Variants in CTDSPL observed in about 807,000 individuals in gnomAD.
CTDSPL encodes the protein CTD small phosphatase-like protein.
Under a neutral mutation model 30.5 loss-of-function variants are expected in CTDSPL, and 8 were observed. The ratio of observed to expected loss-of-function variants is 0.26; its 90% CI spans 0.15 to 0.47. The LOEUF (loss-of-function observed/expected upper bound fraction) is 0.47, where lower values mean the gene tolerates loss of function less well. Among genes scored for constraint, CTDSPL ranks in the 20% least tolerant of loss-of-function variants. The pLI is 0.99. For missense variants in CTDSPL, 248 were observed against 366.1 expected (o/e 0.68, Z 2.63); for synonymous variants, 110 against 137.9 (o/e 0.80, Z 1.42).
chr3:37,913,612 T>A (rs1487400495), intron 1 of CTDSPL, among the ~76,000 whole-genome samples: 1 of 152,204 alleles, frequency 6.6e-6, no homozygotes, highest in Non-Finnish European at 1.5e-5. Context: ...GATTTATTAA[T>A]CTGTTTATTC....
intron 1 of CTDSPL, among the ~76,000 whole-genome samples, chr3:37,898,155 G>C (rs886283665): frequency 2.0e-5 from 3 of 152,070 alleles, no homozygotes; most frequent in African/African-American, 4.8e-5. Context: ...GAAGCACCAG[G>C]GTGTTTTACA....
chr3:37,877,130 G>A (rs1014101519), intron 1 of CTDSPL, among the ~76,000 whole-genome samples: 4 of 150,928 alleles, frequency 2.7e-5, no homozygotes, highest in Admixed American at 6.6e-5. Context: ...AAAATTGATC[G>A]TCTTAACTAC....
chr3:37,911,578 C>T lies in CTDSPL; in HGVS notation c.80-35479C>T, dbSNP rs572495534. 29 of 430,774 alleles carry T rather than the reference C, an allele frequency of 6.7e-5. No homozygotes were observed. In the East Asian group the frequency reaches 2.0e-3, roughly 29 times the overall value. 26.7% of individuals were successfully genotyped at this position (430,774 alleles called of 1,614,324 possible). A position where few individuals can be genotyped will look rare whatever the true frequency, so the allele number is the denominator to read the frequency against. On this transcript the variant is annotated intron_variant, in intron 1 of 7. Coordinates refer to ENST00000273179, the MANE Select transcript of CTDSPL (RefSeq NM_001008392.2). Reference sequence around the variant, plus strand: ...TATAGAGTAGCTATTTCTAATTCCACTGAACCCCCAACATGAACCTTTGGC... The same window carrying T: ...TATAGAGTAGCTATTTCTAATTCCATTGAACCCCCAACATGAACCTTTGGC...
intron 3 of CTDSPL, among the ~76,000 whole-genome samples, chr3:37,964,032 T>TAAAAAAAAAAA (rs58061973): frequency 1.3e-4 from 3 of 22,990 alleles, no homozygotes; most frequent in East Asian, 2.2e-3. Context: ...TCTCAGTCAC[T>TAAAAAAAAAAA]AAAAAAAAAA....
chr3:37,962,271 T>C (rs952729714), intron 3 of CTDSPL, among the ~76,000 whole-genome samples: 1 of 152,206 alleles, frequency 6.6e-6, no homozygotes, highest in African/African-American at 2.4e-5. Flanking sequence ...TTCTTACCCA[T>C]GGGCTGAAGA....
At chr3:37,899,064 A>G (rs755781432) in intron 1 of CTDSPL, among the ~76,000 whole-genome samples, 3 of 152,232 alleles carry the variant, frequency 2.0e-5, no homozygotes, top group Admixed American at 6.5e-5. Context: ...ATGGAGAGCC[A>G]TACCAGCCCT....
intron 1 of CTDSPL, among the ~76,000 whole-genome samples, chr3:37,936,805 A>G (rs528589233): frequency 1.3e-5 from 2 of 152,248 alleles, no homozygotes; most frequent in Admixed American, 1.3e-4. Flanking sequence ...TTCAGTGTTC[A>G]GTTTTGTAGC....
chr3:37,976,496 G>C (rs1699429536), intron 7 of CTDSPL, among the ~76,000 whole-genome samples: 1 of 151,976 alleles, frequency 6.6e-6, no homozygotes, highest in South Asian at 2.1e-4. Context: ...CCAGGCGTTG[G>C]TGGCACGCAC....
At chr3:37,901,214 C>T (rs904817706) in intron 1 of CTDSPL, among the ~76,000 whole-genome samples, 1 of 152,194 alleles carries the variant, frequency 6.6e-6, no homozygotes, top group Non-Finnish European at 1.5e-5. Flanking sequence ...TGCTCAGCCC[C>T]CATCTCAGGG....
At chr3:37,887,424 A>G (rs1056384717) in intron 1 of CTDSPL, among the ~76,000 whole-genome samples, 1 of 152,132 alleles carries the variant, frequency 6.6e-6, no homozygotes, top group Non-Finnish European at 1.5e-5. Flanking sequence ...GGAGGTAGAG[A>G]GGCAGTTTGT....
chr3:37,976,598 C>T (rs960268354), intron 7 of CTDSPL, among the ~76,000 whole-genome samples: 10 of 151,226 alleles, frequency 6.6e-5, no homozygotes, highest in Middle Eastern at 3.4e-3. Context: ...CACCACTTCA[C>T]TCCAGCCTGG....
intron 6 of CTDSPL, 146 bp downstream of exon 6, chr3:37,971,645 A>G: frequency 1.4e-6 from 1 of 692,134 alleles, no homozygotes; most frequent in South Asian, 1.8e-5. Context: ...GGATGGATGC[A>G]GGCCATGTGC....
intron 1 of CTDSPL, among the ~76,000 whole-genome samples, chr3:37,919,163 A>G (rs1056913851): frequency 1.2e-4 from 18 of 152,198 alleles, no homozygotes; most frequent in Admixed American, 6.5e-4. Flanking sequence ...AACTGTCCTT[A>G]TAAGAATTAC....
intron 4 of CTDSPL, among the ~76,000 whole-genome samples, chr3:37,966,222 G>A (rs1448099069): frequency 6.6e-6 from 1 of 152,204 alleles, no homozygotes; most frequent in Non-Finnish European, 1.5e-5. Flanking sequence ...TAATGTGAAT[G>A]GTGTTTCCTC....
chr3:37,972,614 C>T (rs1391385449), intron 6 of CTDSPL, among the ~76,000 whole-genome samples: 3 of 152,188 alleles, frequency 2.0e-5, no homozygotes, highest in Non-Finnish European at 4.4e-5. Context: ...GTTTCTTTGT[C>T]CTCTCCACTG....
Position 37,911,621 on chromosome 3 carries a change from G to T in CTDSPL, c.80-35436G>T, listed in dbSNP as rs1189914434. ...CCTTTGGCAAATAACAGGGATTTTTGTTGGAGAAAAATGTTTGTCTGGTTG... is the reference window on the plus strand; with the variant it reads ...CCTTTGGCAAATAACAGGGATTTTTTTTGGAGAAAAATGTTTGTCTGGTTG... On this transcript the variant is annotated intron_variant, in intron 1 of 7. Coordinates refer to ENST00000273179, the MANE Select transcript of CTDSPL (RefSeq NM_001008392.2). 4 of 452,946 alleles carry T rather than the reference G, an allele frequency of 8.8e-6. No homozygotes were observed. The East Asian group carries it at 2.8e-4, about 32-fold the overall frequency. 28.1% of individuals were successfully genotyped at this position (452,946 alleles called of 1,614,324 possible).
At chr3:37,864,407 T>C (rs1697983359) in intron 1 of CTDSPL, among the ~76,000 whole-genome samples, 1 of 152,228 alleles carries the variant, frequency 6.6e-6, no homozygotes, top group South Asian at 2.1e-4. Flanking sequence ...CATGACAATC[T>C]TTTATTATCT....
chr3:37,921,986 C>A (rs1277477774), intron 1 of CTDSPL, among the ~76,000 whole-genome samples: 1 of 152,180 alleles, frequency 6.6e-6, no homozygotes, highest in Non-Finnish European at 1.5e-5. Context: ...CTCATCCCAG[C>A]ACTTTGGGAG....
chr3:37,862,110 G>A lies in CTDSPL; in HGVS notation c.-90G>A, dbSNP rs1697946539. ...AGGCAGCGGCTGCGAGCGCCCCCCC[G>A]CGCCGCGCCCCCGCGCCCCCCGCGC... On this transcript the variant is annotated 5_prime_UTR_variant, in exon 1 of 8. Transcript: ENST00000273179. The surrounding 1 kb of genome is among the most constrained non-coding windows in gnomAD (Gnocchi z 4.3). 4 of 410,796 alleles carry A rather than the reference G, an allele frequency of 9.7e-6. No individual in the cohort carries two copies. The South Asian group carries it at 4.1e-4, about 42-fold the overall frequency. The allele number at this position is 410,796 out of a possible 1,614,324, so 25.4% of individuals were successfully genotyped here.
Sources: gnomAD v4.1 joint callset for allele counts (sites outside exome capture counted in the v4.1 genomes callset) on GRCh38, gnomAD v4.1.1 for gene constraint, Gnocchi (gnomAD v3.1) non-coding constraint, MANE v1.5 for transcripts, NCBI Gene and HGNC (gene_info 2026-07-23, HGNC 2026-07-21) for gene names.